GNG7: variants seen among roughly 807,000 people sequenced by gnomAD.
The protein encoded by GNG7 is G protein subunit gamma 7.
Under a neutral mutation model 4.0 loss-of-function variants are expected in GNG7, and 1 was observed. The observed-to-expected ratio is 0.25, with a 90% CI of 0.09 to 1.18. The LOEUF (loss-of-function observed/expected upper bound fraction) is 1.18. GNG7 is among the 50% of genes most tolerant of loss of function. The probability of loss-of-function intolerance (pLI) is 0.50; values close to 1 mark genes in which losing one functional copy is unlikely to be tolerated. For missense variants in GNG7, 86 were observed against 91.9 expected (o/e 0.94, Z 0.26); for synonymous variants, 34 against 36.9 (o/e 0.92, Z 0.29).
At chr19:2,516,686 C>T (rs1164568268) in intron 4 of GNG7, among the ~76,000 whole-genome samples, 1 of 152,210 alleles carries the variant, frequency 6.6e-6, no homozygotes, top group Non-Finnish European at 1.5e-5. Context: ...GCTGCCTGCA[C>T]ATTTGATGAG....
At chr19:2,638,560 G>A (rs1982396761) in intron 2 of GNG7, among the ~76,000 whole-genome samples, 1 of 107,014 alleles carries the variant, frequency 9.3e-6, no homozygotes, top group South Asian at 4.1e-4. Context: ...AGGGGGAGGG[G>A]AGGGGAAGGG....
chr19:2,569,925 T>C (rs978467450), intron 2 of GNG7, among the ~76,000 whole-genome samples: 2 of 152,080 alleles, frequency 1.3e-5, no homozygotes, highest in Non-Finnish European at 2.9e-5. Context: ...AATCCTAGAA[T>C]CCAGCAGCAC....
chr19:2,530,974 T>C lies in GNG7; in HGVS notation c.-37-10249A>G, dbSNP rs181132626. On this transcript the variant is annotated intron_variant, in intron 3 of 4. Transcript: ENST00000382159. ...GAGAGAAGGCTTGGTAAATTCCCCCTTGGTGTGAATTGGGACAACTTAATA... is the reference window on the plus strand; with the variant it reads ...GAGAGAAGGCTTGGTAAATTCCCCCCTGGTGTGAATTGGGACAACTTAATA... Among the ~76,000 whole-genome samples, 21 of 152,180 alleles carry C rather than the reference T, an allele frequency of 1.4e-4. No individual in the cohort carries two copies. The East Asian group carries it at 4.1e-3, about 29-fold the overall frequency.
At chr19:2,548,108 C>A (rs948442999) in intron 3 of GNG7, among the ~76,000 whole-genome samples, 2 of 152,138 alleles carry the variant, frequency 1.3e-5, no homozygotes, top group Admixed American at 1.3e-4. Flanking sequence ...TCCCGGAAAA[C>A]TACAGGCCCA....
chr19:2,648,870 G>A (rs910595241), intron 1 of GNG7, among the ~76,000 whole-genome samples: 39 of 148,594 alleles, frequency 2.6e-4, no homozygotes, highest in Non-Finnish European at 3.7e-4. Context: ...TCTGAATCAT[G>A]TGTTTTTTTT....
intron 1 of GNG7, among the ~76,000 whole-genome samples, chr19:2,679,812 T>C (rs940603193): frequency 2.6e-5 from 4 of 152,156 alleles, no homozygotes; most frequent in Non-Finnish European, 4.4e-5. Flanking sequence ...AGGCACCAGG[T>C]AGCACCTTCC....
intron 2 of GNG7, among the ~76,000 whole-genome samples, chr19:2,559,271 A>T (rs1979663424): frequency 6.6e-6 from 1 of 151,926 alleles, no homozygotes; most frequent in South Asian, 2.1e-4. Context: ...ACTCCTAGAG[A>T]ACATTTTTGT....
At chr19:2,581,901 A>C (rs542890367) in intron 2 of GNG7, among the ~76,000 whole-genome samples, 1 of 152,190 alleles carries the variant, frequency 6.6e-6, no homozygotes, top group South Asian at 2.1e-4. Flanking sequence ...CATTTTGTGG[A>C]GGGTTTGGCA....
chr19:2,649,389 G>GT (rs1982749614), intron 1 of GNG7, among the ~76,000 whole-genome samples: 1 of 63,874 alleles, frequency 1.6e-5, no homozygotes, highest in Non-Finnish European at 3.5e-5. Context: ...TCACCCCTAG[G>GT]AATTATTATT....
chr19:2,629,763 G>C (rs1982110423), intron 2 of GNG7, among the ~76,000 whole-genome samples: 1 of 152,158 alleles, frequency 6.6e-6, no homozygotes, highest in African/African-American at 2.4e-5. Flanking sequence ...ATGCCCACGA[G>C]TAAGAGGAGC....
At chr19:2,571,742 A>T (rs1271869853) in intron 2 of GNG7, among the ~76,000 whole-genome samples, 1 of 150,930 alleles carries the variant, frequency 6.6e-6, no homozygotes, top group Non-Finnish European at 1.5e-5. Context: ...ATTATAGGCG[A>T]GTGCCACCAC....
At chr19:2,683,107 C>T (rs991895637) in intron 1 of GNG7, among the ~76,000 whole-genome samples, 2 of 151,988 alleles carry the variant, frequency 1.3e-5, no homozygotes, top group Admixed American at 6.6e-5. Context: ...GGCGTGCTGG[C>T]GCATGCCTGT....
chr19:2,647,512 C>T (rs779742906), intron 1 of GNG7, among the ~76,000 whole-genome samples: 21 of 152,168 alleles, frequency 1.4e-4, no homozygotes, highest in Non-Finnish European at 2.6e-4. Context: ...AGGGTCCTCC[C>T]AGCGAGTCGC....
chr19:2,543,963 C>G (rs1979045664), intron 3 of GNG7, among the ~76,000 whole-genome samples: 1 of 152,176 alleles, frequency 6.6e-6, no homozygotes, highest in African/African-American at 2.4e-5. Context: ...GGACTCTTTC[C>G]TCCTGGGGGT....
In GNG7 at chr19:2,626,802, A is replaced by G. The variant is rs1247161617; in HGVS notation, c.-78+19422T>C. On this transcript the variant is annotated intron_variant, in intron 2 of 4. Transcript: ENST00000382159. The surrounding 1 kb of genome is among the most constrained non-coding windows in gnomAD (Gnocchi z 5.0). ...CCTTCCCTGACTAATATTCCCTCAC[A>G]TCGGTCCATGCTCCTGGCATGGAGT... 2.0e-5 allele frequency among the ~76,000 whole-genome samples: 3 copies of G among 152,080 alleles called. No homozygotes were observed. The highest frequency in any genetic ancestry group is 7.2e-5 in the African/African-American group (3 of 41,408).
At position 2,557,314 on chromosome 19, in the gene GNG7, GACAC is replaced by G. The variant is rs4065038; in HGVS notation, c.-77-2130_-77-2127del. Among the ~76,000 whole-genome samples, 1 of 142,860 alleles carries G rather than the reference GACAC, an allele frequency of 7.0e-6. No homozygotes were observed. Among genetic ancestry groups the G allele is most frequent in the African/African-American group, 2.6e-5 (1 of 39,128 alleles). The allele number at this position is 142,860 out of a possible 152,430, so 93.7% of individuals were successfully genotyped here. ...ACACAGAGGTGCACATACACGCACA[GACAC>G]ACATGTGCACACAGACACACACATG... is the stretch of plus-strand genomic sequence containing the variant. On this transcript the variant is annotated intron_variant, in intron 2 of 4. Transcript: ENST00000382159. This position sits in a 1 kb window ranked among gnomAD's most constrained non-coding sequence, Gnocchi z 5.1.
chr19:2,586,448 G>C (rs1305111820), intron 2 of GNG7, among the ~76,000 whole-genome samples: 1 of 152,224 alleles, frequency 6.6e-6, no homozygotes, highest in African/African-American at 2.4e-5. Context: ...TCTGGCTTGG[G>C]GGGCTGGGAG....
At chr19:2,659,610 A>AAGAG (rs1555701398) in intron 1 of GNG7, among the ~76,000 whole-genome samples, 1 of 121,470 alleles carries the variant, frequency 8.2e-6, no homozygotes, top group African/African-American at 3.3e-5. Flanking sequence ...AAAAAAAAAA[A>AAGAG]AGAGAGGAGG....
chr19:2,573,677 G>T (rs10423915), intron 2 of GNG7, among the ~76,000 whole-genome samples: 128,657 of 151,710 alleles, frequency 0.85, 55,011 homozygotes, highest in East Asian at 1. Context: ...ACCCCGTCTC[G>T]ACTAAAAATA....
Sources: gnomAD v4.1 joint callset for allele counts (sites outside exome capture counted in the v4.1 genomes callset) on GRCh38, gnomAD v4.1.1 for gene constraint, Gnocchi (gnomAD v3.1) non-coding constraint, MANE v1.5 for transcripts, NCBI Gene and HGNC (gene_info 2026-07-23, HGNC 2026-07-21) for gene names.